Variants in DACH2 observed in about 807,000 individuals in gnomAD.
DACH2 encodes the protein dachshund family transcription factor 2, also known as dachshund homolog 2.
A neutral mutation model predicts 35.8 loss-of-function variants in DACH2; 17 were observed. The observed-to-expected ratio is 0.48, with a 90% confidence interval of 0.33 to 0.71. The LOEUF (loss-of-function observed/expected upper bound fraction) is 0.71, where lower values mean the gene tolerates loss of function less well. Among genes scored for constraint, DACH2 ranks in the 30% least tolerant of loss-of-function variants. The probability of loss-of-function intolerance (pLI) is 0.02; values close to 1 mark genes in which losing one functional copy is unlikely to be tolerated. For synonymous variants in DACH2, 195 were observed against 177.3 expected, an observed-to-expected ratio of 1.10 and a Z score of -0.79; for missense variants, 469 against 472.7, an observed-to-expected ratio of 0.99 and a Z score of 0.07.
At chrX:86,252,240 T>C (rs7053195) in intron 1 of DACH2, among the ~76,000 whole-genome samples, 1 of 111,090 alleles carries the variant, frequency 9.0e-6, no homozygotes, top group Non-Finnish European at 1.9e-5. Flanking sequence ...TTCTGGATAT[T>C]AGTCCTTTGC....
At chrX:86,520,491 T>A (rs1448982325) in intron 3 of DACH2, among the ~76,000 whole-genome samples, 1 of 111,515 alleles carries the variant, frequency 9.0e-6, no homozygotes, top group Admixed American at 9.5e-5. Context: ...TGCCTAATAC[T>A]TTCATTGGAG....
chrX:86,722,308 G>C (rs1005140636), intron 6 of DACH2, among the ~76,000 whole-genome samples: 8 of 111,085 alleles, frequency 7.2e-5, no homozygotes, highest in African/African-American at 2.6e-4. Flanking sequence ...TATGATTTTT[G>C]TTTTTAATTT....
intron 2 of DACH2, among the ~76,000 whole-genome samples, chrX:86,426,625 C>T: frequency 9.0e-6 from 1 of 111,221 alleles, no homozygotes; most frequent in Non-Finnish European, 1.9e-5. Flanking sequence ...ATTTCCTGGT[C>T]TGCCTCCAGC....
At chrX:86,323,326 G>A (rs779032502) in intron 1 of DACH2, among the ~76,000 whole-genome samples, 1 of 111,933 alleles carries the variant, frequency 8.9e-6, no homozygotes, top group Admixed American at 9.4e-5. Flanking sequence ...GACATTCACT[G>A]GGGTAGGGAG....
At chrX:86,652,111 C>T (rs1300602880) in intron 4 of DACH2, among the ~76,000 whole-genome samples, 1 of 111,066 alleles carries the variant, frequency 9.0e-6, no homozygotes, top group Non-Finnish European at 1.9e-5. Context: ...CCTTCTCCCT[C>T]AAGTAGGCCC....
At chrX:86,399,874 T>C (rs956062061) in intron 2 of DACH2, among the ~76,000 whole-genome samples, 2 of 111,497 alleles carry the variant, frequency 1.8e-5, no homozygotes, top group African/African-American at 3.3e-5. Context: ...CTTGCTGTTC[T>C]TCTGGAGTAT....
At chrX:86,269,540 G>A in intron 1 of DACH2, among the ~76,000 whole-genome samples, 1 of 111,362 alleles carries the variant, frequency 9.0e-6, no homozygotes, top group South Asian at 3.7e-4. Context: ...TAGTGACTCA[G>A]ACAGAAGTAT....
At chrX:86,580,588 A>G (rs931362633) in intron 3 of DACH2, among the ~76,000 whole-genome samples, 1 of 112,030 alleles carries the variant, frequency 8.9e-6, no homozygotes, top group Non-Finnish European at 1.9e-5. Context: ...GAATTTCATA[A>G]TACAATCACA....
chrX:86,240,575 T>G (rs1164684674), intron 1 of DACH2, among the ~76,000 whole-genome samples: 1 of 109,036 alleles, frequency 9.2e-6, no homozygotes, highest in Non-Finnish European at 1.9e-5. Context: ...CTCTAGTGAT[T>G]CTCTGCCTCA....
intron 2 of DACH2, among the ~76,000 whole-genome samples, chrX:86,417,828 T>C (rs1476525798): frequency 1.8e-5 from 2 of 111,256 alleles, no homozygotes; most frequent in Middle Eastern, 4.2e-3. Flanking sequence ...TAATTCTCAT[T>C]TAAATGTCCA....
intron 1 of DACH2, among the ~76,000 whole-genome samples, chrX:86,210,825 G>A (rs2032428859): frequency 8.9e-6 from 1 of 111,988 alleles, no homozygotes; most frequent in Admixed American, 9.5e-5. Context: ...GTTGCCGTAT[G>A]AGTTCCATTT....
intron 2 of DACH2, among the ~76,000 whole-genome samples, chrX:86,471,022 G>T (rs2037753346): frequency 9.0e-6 from 1 of 111,217 alleles, no homozygotes; most frequent in African/African-American, 3.3e-5. Context: ...ATTCAGTGAT[G>T]CAGTTAGAAC....
intron 3 of DACH2, among the ~76,000 whole-genome samples, chrX:86,586,907 C>T (rs1235073711): frequency 9.0e-6 from 1 of 111,337 alleles, no homozygotes; most frequent in East Asian, 2.8e-4. Flanking sequence ...TTAGGTATCT[C>T]TTCAATTCCA....
chrX:86,808,819 C>T (rs879002522), intron 7 of DACH2, among the ~76,000 whole-genome samples: 2 of 111,197 alleles, frequency 1.8e-5, no homozygotes, highest in South Asian at 3.8e-4. Flanking sequence ...TATCACAATC[C>T]TTAAAGCCCA....
intron 3 of DACH2, among the ~76,000 whole-genome samples, chrX:86,548,305 C>G (rs1602634374): frequency 9.1e-6 from 1 of 110,414 alleles, no homozygotes; most frequent in Admixed American, 9.7e-5. Flanking sequence ...CAAGGCAATG[C>G]TTGTGATTTT....
At chrX:86,228,100 CT>C (rs1207299238) in intron 1 of DACH2, among the ~76,000 whole-genome samples, 1 of 110,234 alleles carries the variant, frequency 9.1e-6, no homozygotes, top group East Asian at 2.8e-4. Context: ...TATTTGCAGT[CT>C]TTTATTCCTC....
intron 3 of DACH2, among the ~76,000 whole-genome samples, chrX:86,551,572 T>A (rs900640914): frequency 1.8e-5 from 2 of 112,279 alleles, no homozygotes; most frequent in Non-Finnish European, 3.8e-5. Flanking sequence ...ACATTTTGCA[T>A]CTAACTATGT....
intron 2 of DACH2, among the ~76,000 whole-genome samples, chrX:86,427,038 T>A (rs1468133815): frequency 8.9e-6 from 1 of 111,870 alleles, no homozygotes; most frequent in Admixed American, 9.5e-5. Context: ...TTTTGTTATT[T>A]CTCTTGCCTA....
At chrX:86,427,492 A>T (rs1202062199) in intron 2 of DACH2, among the ~76,000 whole-genome samples, 2 of 110,961 alleles carry the variant, frequency 1.8e-5, no homozygotes, top group African/African-American at 6.5e-5. Context: ...CCATTCTGGG[A>T]CTATAAATGT....
Sources: allele counts gnomAD v4.1 joint callset (sites outside exome capture counted in the v4.1 genomes callset), GRCh38; gene constraint gnomAD v4.1.1; transcripts MANE v1.5; gene names NCBI Gene and HGNC (gene_info 2026-07-23, HGNC 2026-07-21).